The following FAM153A variants were observed in gnomAD, a reference collection of about 807,000 sequenced individuals.
FAM153A encodes protein FAM153A.
Under a neutral mutation model 48.1 loss-of-function variants are expected in FAM153A, and 12 were observed. The ratio of observed to expected loss-of-function variants is 0.25; its 90% CI spans 0.16 to 0.40. FAM153A has a LOEUF of 0.40. FAM153A is among the 10% of genes least tolerant of loss of function. The pLI is 1.00. For missense variants in FAM153A, 111 were observed against 345.8 expected, an observed-to-expected ratio of 0.32 and a Z score of 5.38; for synonymous variants, 36 against 118.2, an observed-to-expected ratio of 0.30 and a Z score of 4.51.
chr5:177,715,781 A>G (rs1192449180), intron 25 of FAM153A, among the ~76,000 whole-genome samples: 1 of 151,524 alleles, frequency 6.6e-6, no homozygotes, highest in East Asian at 1.9e-4. Context: ...ATAGCTTTCT[A>G]CAACCTCTAA....
downstream of FAM153A, chr5:177,723,132 G>T (rs564522256): frequency 7.6e-6 from 1 of 132,448 alleles, no homozygotes; most frequent in Non-Finnish European, 1.7e-5. Context: ...AGAGCTGCAC[G>T]TTGAACATGC....
intron 24 of FAM153A, among the ~76,000 whole-genome samples, chr5:177,716,964 A>AGTGTGT (rs59312087): frequency 0.018 from 2,332 of 127,648 alleles, 80 homozygotes; most frequent in African/African-American, 0.032. Context: ...ATTCCCGCTT[A>AGTGTGT]GTGTGTGTGT....
chr5:177,699,418 T>C, the FAM153A span, among the ~76,000 whole-genome samples: 49 of 151,512 alleles, frequency 3.2e-4, no homozygotes, highest in African/African-American at 1.2e-3. Context: ...TCTTTGAAAA[T>C]ATCAACAAAA....
chr5:177,781,388 T>C (rs1182357894), upstream of FAM153A, among the ~76,000 whole-genome samples: 1 of 142,390 alleles, frequency 7.0e-6, no homozygotes, highest in Non-Finnish European at 1.5e-5. Flanking sequence ...CCCAAAGTGC[T>C]GGGATTACAG....
intron 1 of FAM153A, among the ~76,000 whole-genome samples, chr5:177,772,920 G>T (rs1769206263): frequency 7.3e-5 from 1 of 13,774 alleles, no homozygotes; most frequent in East Asian, 1.7e-3. Flanking sequence ...CTGAGAACGG[G>T]CAGACTGCCT....
intron 1 of FAM153A, among the ~76,000 whole-genome samples, chr5:177,763,833 G>A (rs1437584653): frequency 6.7e-6 from 1 of 150,126 alleles, no homozygotes; most frequent in Non-Finnish European, 1.5e-5. Flanking sequence ...ACACTGGTCT[G>A]GCCCACTGAG....
At chr5:177,709,657 G>A (rs1395321733), downstream of FAM153A, among the ~76,000 whole-genome samples, 25 of 135,610 alleles carry the variant, frequency 1.8e-4, no homozygotes, top group Non-Finnish European at 3.6e-4. Context: ...CACTGCGCCC[G>A]GCTGGGTTTT....
chr5:177,708,817 G>A (rs879197947), downstream of FAM153A, among the ~76,000 whole-genome samples: 2 of 150,606 alleles, frequency 1.3e-5, no homozygotes, highest in Non-Finnish European at 3.0e-5. Context: ...GTCTTGGACC[G>A]GGCTCAGTGG....
chr5:177,738,301 A>G (rs1765010894), intron 10 of FAM153A, among the ~76,000 whole-genome samples: 1 of 151,308 alleles, frequency 6.6e-6, no homozygotes, highest in Admixed American at 6.6e-5. Flanking sequence ...TCTGCTTTGG[A>G]TCAGGAGATG....
chr5:177,725,446 CAA>C (rs1295022863), intron 18 of FAM153A, among the ~76,000 whole-genome samples: 2 of 149,332 alleles, frequency 1.3e-5, no homozygotes, highest in Non-Finnish European at 2.9e-5. Context: ...ATTCAGCCCT[CAA>C]AAGAATCCCA....
intron 18 of FAM153A, among the ~76,000 whole-genome samples, chr5:177,726,365 ATATT>A (rs1276167282): frequency 6.6e-6 from 1 of 150,928 alleles, no homozygotes; most frequent in East Asian, 1.9e-4. Context: ...GCAAAATGTA[ATATT>A]TAAACACCAG....
At chr5:177,765,374 T>C (rs1406816323) in intron 1 of FAM153A, among the ~76,000 whole-genome samples, 1 of 105,978 alleles carries the variant, frequency 9.4e-6, no homozygotes, top group Non-Finnish European at 2.0e-5. Context: ...ACCCGGGCTA[T>C]GCCCACTGAG....
At chr5:177,715,040 A>T (rs1012585113) in intron 25 of FAM153A, among the ~76,000 whole-genome samples, 1 of 138,828 alleles carries the variant, frequency 7.2e-6, no homozygotes, top group African/African-American at 2.6e-5. Flanking sequence ...TTGCCTGAGT[A>T]AAAAACAAAA....
rs1184904899 is a variant in FAM153A at position 177,771,383 on chromosome 5, C to T, written c.-57+9066G>A. ...TGCTATGGTAACTTCCATTCAAATA[C>T]CTGTGAGTCACCAGAAGTCAAAAAA... On this transcript the variant is annotated intron_variant, in intron 1 of 8. Transcript: ENST00000393518. Among the ~76,000 whole-genome samples the T allele has an allele frequency of 8.2e-5, 8 of 97,662 alleles. 3 individuals carry two copies. The allele number at this position is 97,662 out of a possible 152,430, so 64.1% of individuals were successfully genotyped here. A position where few individuals can be genotyped will look rare whatever the true frequency, so the allele number is the denominator to read the frequency against.
upstream of FAM153A, among the ~76,000 whole-genome samples, chr5:177,754,886 G>A (rs1208801532): frequency 6.6e-6 from 1 of 151,766 alleles, no homozygotes; most frequent in South Asian, 2.1e-4. Context: ...CAAAGATGGG[G>A]AAAAACAGAG....
chr5:177,724,145 G>T, exon 21 of FAM153A: 1 of 1,610,060 alleles, frequency 6.2e-7, no homozygotes, highest in Non-Finnish European at 8.5e-7. Context: ...CAACATTTCA[G>T]GACATTCCAC....
chr5:177,703,007 C>G (rs1363833491), downstream of FAM153A, among the ~76,000 whole-genome samples: 3 of 152,010 alleles, frequency 2.0e-5, no homozygotes, highest in African/African-American at 2.4e-5. Context: ...AGTTGGATTT[C>G]CCACGCAGAG....
chr5:177,710,200 C>T (rs1270265142), downstream of FAM153A, among the ~76,000 whole-genome samples: 3 of 151,214 alleles, frequency 2.0e-5, no homozygotes, highest in Non-Finnish European at 2.9e-5. Flanking sequence ...GCAACCTTCT[C>T]CTCCTGGGTT....
downstream of FAM153A, among the ~76,000 whole-genome samples, chr5:177,706,104 C>T (rs1394277043): frequency 6.6e-6 from 1 of 151,732 alleles, no homozygotes; most frequent in Non-Finnish European, 1.5e-5. Context: ...TTTTTGTAGA[C>T]AAGTGGACCC....
Sources: gnomAD v4.1 joint callset for allele counts (sites outside exome capture counted in the v4.1 genomes callset) on GRCh38, gnomAD v4.1.1 for gene constraint, MANE v1.5 for transcripts, NCBI Gene and HGNC (gene_info 2026-07-23, HGNC 2026-07-21) for gene names.